The following PCCA variants were observed in gnomAD, a reference collection of about 807,000 sequenced individuals.
PCCA encodes the protein propionyl-CoA carboxylase subunit alpha.
In PCCA, 74 loss-of-function variants were observed where a neutral mutation model predicts 101.3. That is an observed-to-expected ratio of 0.73 (90% CI 0.61 to 0.89). The LOEUF is 0.89. Among genes scored for constraint, PCCA ranks in the 40% least tolerant of loss-of-function variants. PCCA has a pLI of 0.00. For missense variants in PCCA, 891 were observed against 907.0 expected (o/e 0.98, Z 0.23); for synonymous variants, 294 against 313.6 (o/e 0.94, Z 0.66).
At chr13:100,259,380 G>T (rs945714429) in intron 9 of PCCA, among the ~76,000 whole-genome samples, 2 of 137,550 alleles carry the variant, frequency 1.5e-5, no homozygotes, top group Non-Finnish European at 1.5e-5. Context: ...TGTCGCCCAG[G>T]CTGGAGTGAA....
At chr13:100,104,117 G>A (rs1392480927) in intron 2 of PCCA, among the ~76,000 whole-genome samples, 2 of 152,128 alleles carry the variant, frequency 1.3e-5, no homozygotes, top group African/African-American at 4.8e-5. Context: ...CGGGAGTTTT[G>A]GTTAAGAAGG....
At position 100,202,198 on chromosome 13, in the gene PCCA, G is replaced by A. The variant is rs2058565243; in HGVS notation, c.469-7134G>A. Among the ~76,000 whole-genome samples, 4 of 148,400 alleles carry A rather than the reference G, an allele frequency of 2.7e-5. No homozygotes were observed. In the South Asian group the frequency reaches 8.6e-4, roughly 32 times the overall value. On this transcript the variant is annotated intron_variant, in intron 6 of 23. Coordinates refer to ENST00000376285, the MANE Select transcript of PCCA (RefSeq NM_000282.4). ...AAAAAAAAAAAAAAAACTGGGCACAGCAGTACACATCTGTAGGCCTAGCTA... is the reference window on the plus strand; with the variant it reads ...AAAAAAAAAAAAAAAACTGGGCACAACAGTACACATCTGTAGGCCTAGCTA...
chr13:100,315,273 A>T lies in PCCA; in HGVS notation c.1429+5365A>T, dbSNP rs2067244981. Among the ~76,000 whole-genome samples the T allele has an allele frequency of 2.0e-5, 3 of 152,004 alleles. No individual in the cohort carries two copies. The South Asian group carries it at 6.2e-4, about 31-fold the overall frequency. ...ATTTTTTTATTTTGAAATAATTTCA[A>T]AATTTAAAAAATTTAAAATTTAATT... On this transcript the variant is annotated intron_variant, in intron 16 of 23. Coordinates refer to ENST00000376285, the MANE Select transcript of PCCA (RefSeq NM_000282.4).
At chr13:100,105,989 AAT>A (rs1311197680) in intron 2 of PCCA, among the ~76,000 whole-genome samples, 2 of 151,992 alleles carry the variant, frequency 1.3e-5, no homozygotes, top group African/African-American at 2.4e-5. Flanking sequence ...GTACTATTAG[AAT>A]GTAATAATGT....
intron 6 of PCCA, among the ~76,000 whole-genome samples, chr13:100,195,915 T>C (rs1239970640): frequency 3.3e-5 from 5 of 152,146 alleles, no homozygotes; most frequent in African/African-American, 1.2e-4. Context: ...AGGCTCTTTC[T>C]TCTTTACAAT....
chr13:100,471,673 G>A (rs1318590463), intron 21 of PCCA, among the ~76,000 whole-genome samples: 1 of 152,182 alleles, frequency 6.6e-6, no homozygotes, highest in African/African-American at 2.4e-5. Context: ...TGCCACATCT[G>A]TCTAGAGTAA....
chr13:100,440,202 ATATATAT>A (rs1566308519), intron 20 of PCCA, among the ~76,000 whole-genome samples: 61 of 106,536 alleles, frequency 5.7e-4, no homozygotes, highest in Non-Finnish European at 4.5e-4. Flanking sequence ...ATATATATAT[ATATATAT>A]AAAACGTGAT....
chr13:100,372,893 C>T (rs765696335), intron 19 of PCCA, among the ~76,000 whole-genome samples: 1 of 152,202 alleles, frequency 6.6e-6, no homozygotes, highest in East Asian at 1.9e-4. Flanking sequence ...GTGCATGCCA[C>T]CACACTTGGC....
At chr13:100,127,716 C>A (rs1022697935) in intron 4 of PCCA, among the ~76,000 whole-genome samples, 3 of 151,624 alleles carry the variant, frequency 2.0e-5, no homozygotes, top group African/African-American at 7.3e-5. Context: ...CACAGTGAAA[C>A]CCCGTCTCTA....
At chr13:100,148,560 C>G (rs2052883111) in intron 4 of PCCA, among the ~76,000 whole-genome samples, 1 of 152,096 alleles carries the variant, frequency 6.6e-6, no homozygotes, top group African/African-American at 2.4e-5. Flanking sequence ...CATTCCTCCC[C>G]TTCTCCCTTG....
intron 21 of PCCA, among the ~76,000 whole-genome samples, chr13:100,452,095 T>C (rs1373938491): frequency 3.1e-5 from 3 of 98,168 alleles, no homozygotes; most frequent in Non-Finnish European, 6.4e-5. Context: ...CTCCTCTTCC[T>C]CCTCTTCCTT....
intron 6 of PCCA, among the ~76,000 whole-genome samples, chr13:100,168,078 A>G (rs1393726894): frequency 6.6e-6 from 1 of 152,064 alleles, no homozygotes; most frequent in Non-Finnish European, 1.5e-5. Context: ...TACTTTAACA[A>G]TCCAGTTGAA....
At chr13:100,386,065 A>G (rs930862721) in intron 19 of PCCA, among the ~76,000 whole-genome samples, 2 of 152,200 alleles carry the variant, frequency 1.3e-5, no homozygotes, top group African/African-American at 4.8e-5. Context: ...TGTTAGTATT[A>G]TTTCTTAGAG....
At chr13:100,437,330 A>ATATT (rs2080013116) in intron 20 of PCCA, among the ~76,000 whole-genome samples, 1 of 152,216 alleles carries the variant, frequency 6.6e-6, no homozygotes, top group Non-Finnish European at 1.5e-5. Flanking sequence ...AGCTAGTGAT[A>ATATT]TATTACCTAA....
At chr13:100,274,520 T>C (rs935378428) in intron 12 of PCCA, among the ~76,000 whole-genome samples, 1 of 152,192 alleles carries the variant, frequency 6.6e-6, no homozygotes, top group African/African-American at 2.4e-5. Flanking sequence ...GAGTCTATCA[T>C]GCAGGTTCCA....
At chr13:100,243,213 A>C (rs949627669) in intron 8 of PCCA, among the ~76,000 whole-genome samples, 1 of 152,226 alleles carries the variant, frequency 6.6e-6, no homozygotes, top group African/African-American at 2.4e-5. Flanking sequence ...ATTTTGTAGT[A>C]AAATTGACCA....
At chr13:100,392,549 TCA>T (rs760446682) in intron 19 of PCCA, among the ~76,000 whole-genome samples, 1 of 152,202 alleles carries the variant, frequency 6.6e-6, no homozygotes, top group Non-Finnish European at 1.5e-5. Flanking sequence ...GCCTTATTCT[TCA>T]CAGTTTTTTC....
At chr13:100,187,570 G>A (rs1422204789) in intron 6 of PCCA, among the ~76,000 whole-genome samples, 1 of 152,128 alleles carries the variant, frequency 6.6e-6, no homozygotes, top group Non-Finnish European at 1.5e-5. Context: ...ATTTACACAT[G>A]AGTTAGAGTC....
rs1169861687 is a variant in PCCA, at chr13:100,262,794, A to G, written c.782A>G (p.Glu261Gly). 3.3e-5 allele frequency: 51 copies of G among 1,558,224 alleles called. No individual in the cohort carries two copies. The highest frequency in any genetic ancestry group is 3.8e-5 in the Non-Finnish European group (43 of 1,130,952). The change falls in exon 10 of 24, where the codon GAA becomes GGA. Residue 261 changes from glutamate to glycine, a missense_variant. Transcript: ENST00000376285. ...SSFGDDRLLI[E>G]KFIDNPRHIE... ...TTTGGCGATGATAGACTACTAATAG[A>G]AAAATTTATTGATAATCCTCGTCAT...
Sources: allele counts gnomAD v4.1 joint callset (sites outside exome capture counted in the v4.1 genomes callset), GRCh38; gene constraint gnomAD v4.1.1; transcripts MANE v1.5; gene names NCBI Gene and HGNC (gene_info 2026-07-23, HGNC 2026-07-21).